DNM3: variants seen among roughly 807,000 people sequenced by gnomAD.
DNM3 encodes the protein dynamin-3.
In DNM3, 47 loss-of-function variants were observed where a neutral mutation model predicts 101.6. The ratio of observed to expected loss-of-function variants is 0.46; its 90% confidence interval spans 0.37 to 0.59. The LOEUF is 0.59. DNM3 is among the 20% of genes least tolerant of loss of function. DNM3 has a pLI of 0.00. For missense variants in DNM3, 849 were observed against 1,085.7 expected (o/e 0.78, Z 3.06); for synonymous variants, 385 against 387.9 (o/e 0.99, Z 0.09).
intron 11 of DNM3, among the ~76,000 whole-genome samples, chr1:172,072,347 A>T (rs956878353): frequency 1.5e-4 from 23 of 152,184 alleles, no homozygotes; most frequent in Admixed American, 2.0e-4. Flanking sequence ...GATGTTATTG[A>T]CCTAATAGCC....
At chr1:172,215,055 C>T (rs996179047) in intron 14 of DNM3, among the ~76,000 whole-genome samples, 2 of 152,078 alleles carry the variant, frequency 1.3e-5, no homozygotes, top group Admixed American at 1.3e-4. Context: ...ATTATAGATG[C>T]TCAACAAATA....
chr1:172,310,337 G>C (rs543637620), intron 16 of DNM3: 8 of 152,266 alleles, frequency 5.3e-5, no homozygotes, highest in African/African-American at 1.9e-4. Flanking sequence ...CTTTTTGCCA[G>C]CTGCCATTCT....
chr1:171,934,497 C>A (rs1470542678), intron 2 of DNM3, among the ~76,000 whole-genome samples: 2 of 152,222 alleles, frequency 1.3e-5, no homozygotes, highest in Admixed American at 1.3e-4. Flanking sequence ...CCCTCTGCTT[C>A]TCTTTTACTT....
chr1:172,000,046 A>G (rs1271177957), intron 4 of DNM3, among the ~76,000 whole-genome samples: 2 of 152,216 alleles, frequency 1.3e-5, no homozygotes, highest in East Asian at 3.9e-4. Context: ...TAGGGAATTA[A>G]TTCAGGTGGT....
intron 1 of DNM3, among the ~76,000 whole-genome samples, chr1:171,912,331 G>T (rs899674389): frequency 6.6e-6 from 1 of 151,986 alleles, no homozygotes; most frequent in Non-Finnish European, 1.5e-5. Context: ...ACTTAATAGG[G>T]GAACATTTAA....
At chr1:172,265,749 G>A (rs1269909494) in intron 15 of DNM3, among the ~76,000 whole-genome samples, 1 of 152,170 alleles carries the variant, frequency 6.6e-6, no homozygotes, top group East Asian at 1.9e-4. Context: ...TCCCCAGGCA[G>A]GCGTTCAGTT....
At chr1:172,155,792 TAAG>T (rs2058315856) in intron 14 of DNM3, among the ~76,000 whole-genome samples, 1 of 152,098 alleles carries the variant, frequency 6.6e-6, no homozygotes, top group African/African-American at 2.4e-5. Context: ...AAACAATTGT[TAAG>T]AAGAAAGATA....
chr1:172,051,542 A>T (rs2050204793), intron 10 of DNM3, among the ~76,000 whole-genome samples: 1 of 152,226 alleles, frequency 6.6e-6, no homozygotes, highest in Admixed American at 6.5e-5. Context: ...ATGTTTTACT[A>T]GGAAATTGTA....
At chr1:172,026,350 T>A (rs954808449) in intron 4 of DNM3, among the ~76,000 whole-genome samples, 2 of 152,142 alleles carry the variant, frequency 1.3e-5, no homozygotes, top group Admixed American at 1.3e-4. Flanking sequence ...CTGAAAGTGA[T>A]GGGAAGAATG....
intron 12 of DNM3, among the ~76,000 whole-genome samples, chr1:172,083,006 T>C (rs2053266178): frequency 6.6e-6 from 1 of 152,250 alleles, no homozygotes; most frequent in South Asian, 2.1e-4. Context: ...CAACGATAAA[T>C]ATGTGCCCTA....
At chr1:171,878,225 AC>A (rs2035952584) in intron 1 of DNM3, among the ~76,000 whole-genome samples, 1 of 152,162 alleles carries the variant, frequency 6.6e-6, no homozygotes, top group African/African-American at 2.4e-5. Flanking sequence ...TATTTTTAAC[AC>A]AGATTGAAAA....
chr1:171,853,845 T>C (rs950839213), intron 1 of DNM3, among the ~76,000 whole-genome samples: 1 of 152,210 alleles, frequency 6.6e-6, no homozygotes, highest in East Asian at 1.9e-4. Context: ...CTCAGTAACC[T>C]GCAGTCCCCT....
At chr1:172,388,542 T>TGAG in intron 19 of DNM3, 31 bp from the exon 20 acceptor site, 1 of 1,573,778 alleles carries the variant, frequency 6.4e-7, no homozygotes, top group Middle Eastern at 1.7e-4. Flanking sequence ...AAAGGAGGAG[T>TGAG]GAGCAAACTA....
At chr1:171,880,799 C>T (rs1348511453) in intron 1 of DNM3, among the ~76,000 whole-genome samples, 1 of 151,906 alleles carries the variant, frequency 6.6e-6, no homozygotes, top group Admixed American at 6.6e-5. Flanking sequence ...AACATTTAAT[C>T]CCATGAGCAC....
intron 15 of DNM3, among the ~76,000 whole-genome samples, chr1:172,269,799 G>A (rs1240522045): frequency 3.3e-5 from 5 of 152,204 alleles, no homozygotes; most frequent in Non-Finnish European, 5.9e-5. Flanking sequence ...GGGGCCCCCA[G>A]GCTGAAGCCA....
At chr1:172,117,281 T>A (rs552237128) in intron 13 of DNM3, among the ~76,000 whole-genome samples, 16 of 152,256 alleles carry the variant, frequency 1.1e-4, no homozygotes, top group South Asian at 4.1e-4. Flanking sequence ...GCATTTTTTT[T>A]TAAAATGTGC....
chr1:172,329,260 A>T (rs1312640365), intron 17 of DNM3, among the ~76,000 whole-genome samples: 5 of 152,134 alleles, frequency 3.3e-5, no homozygotes, highest in African/African-American at 1.2e-4. Flanking sequence ...TATTTAAAGG[A>T]TATATGAATA....
At chr1:172,345,292 A>G (rs1029473861) in intron 17 of DNM3, among the ~76,000 whole-genome samples, 2 of 152,192 alleles carry the variant, frequency 1.3e-5, no homozygotes, top group Non-Finnish European at 2.9e-5. Flanking sequence ...CTCAAAACAT[A>G]TTTTCTCAGC....
At chr1:172,258,158 ACCAC>A (rs2062494645) in intron 15 of DNM3, among the ~76,000 whole-genome samples, 1 of 152,044 alleles carries the variant, frequency 6.6e-6, no homozygotes, top group Non-Finnish European at 1.5e-5. Context: ...GTGTAAATAT[ACCAC>A]CTTTTCTTTA....
Sources: allele counts gnomAD v4.1 joint callset (sites outside exome capture counted in the v4.1 genomes callset), GRCh38; gene constraint gnomAD v4.1.1; transcripts MANE v1.5; gene names NCBI Gene and HGNC (gene_info 2026-07-23, HGNC 2026-07-21).